LHFPL3: variants seen among roughly 807,000 people sequenced by gnomAD.
LHFPL3 encodes the protein LHFPL tetraspan subfamily member 3 protein.
LHFPL3 carries 5 observed loss-of-function variants against 19.3 expected under a neutral mutation model. The observed-to-expected ratio is 0.26, with a 90% confidence interval of 0.14 to 0.54. The LOEUF (loss-of-function observed/expected upper bound fraction) is 0.54. LHFPL3 is among the 20% of genes least tolerant of loss of function. LHFPL3 has a pLI of 0.94. For synonymous variants in LHFPL3, 133 were observed against 126.2 expected, an observed-to-expected ratio of 1.05 and a Z score of -0.36; for missense variants, 249 against 307.4, an observed-to-expected ratio of 0.81 and a Z score of 1.42.
chr7:104,661,568 G>A (rs1333450315), intron 1 of LHFPL3, among the ~76,000 whole-genome samples: 1 of 152,158 alleles, frequency 6.6e-6, no homozygotes, highest in Non-Finnish European at 1.5e-5. Flanking sequence ...TTTGAGATGA[G>A]AACAAGGACA....
intron 1 of LHFPL3, among the ~76,000 whole-genome samples, chr7:104,480,146 C>G (rs1793103006): frequency 6.6e-6 from 1 of 152,150 alleles, no homozygotes; most frequent in Non-Finnish European, 1.5e-5. Context: ...AAGACAGACC[C>G]CAGTGTGAAT....
chr7:104,671,895 T>C (rs1263066698), intron 1 of LHFPL3, among the ~76,000 whole-genome samples: 1 of 152,222 alleles, frequency 6.6e-6, no homozygotes, highest in Non-Finnish European at 1.5e-5. Flanking sequence ...CTTACTCTGC[T>C]AATATCAATG....
intron 1 of LHFPL3, among the ~76,000 whole-genome samples, chr7:104,638,279 G>A (rs1357417106): frequency 2.0e-5 from 3 of 152,196 alleles, no homozygotes; most frequent in African/African-American, 7.2e-5. Context: ...AGCTGAAGGA[G>A]CTTTTGGGCA....
chr7:104,558,748 C>G (rs1203296296), intron 1 of LHFPL3, among the ~76,000 whole-genome samples: 7 of 149,066 alleles, frequency 4.7e-5, no homozygotes, highest in African/African-American at 1.8e-4. Flanking sequence ...ACATGAAGTC[C>G]TTGCCCATGC....
intron 2 of LHFPL3, among the ~76,000 whole-genome samples, chr7:104,852,908 C>G (rs1791438848): frequency 6.6e-6 from 1 of 152,148 alleles, no homozygotes. Flanking sequence ...AGCCCACTCT[C>G]TTGAACCCTG....
At chr7:104,680,065 T>TC (rs1458080886) in intron 1 of LHFPL3, among the ~76,000 whole-genome samples, 1 of 152,208 alleles carries the variant, frequency 6.6e-6, no homozygotes, top group Admixed American at 6.5e-5. Flanking sequence ...CTGAGCTGAT[T>TC]AATCAGCTTC....
At chr7:104,604,100 C>T (rs903604997) in intron 1 of LHFPL3, among the ~76,000 whole-genome samples, 2 of 152,204 alleles carry the variant, frequency 1.3e-5, no homozygotes, top group Non-Finnish European at 2.9e-5. Flanking sequence ...TCTGCCTTGG[C>T]CCCCAGGCTT....
chr7:104,552,717 G>T (rs1029385961), intron 1 of LHFPL3, among the ~76,000 whole-genome samples: 1 of 152,172 alleles, frequency 6.6e-6, no homozygotes, highest in Non-Finnish European at 1.5e-5. Context: ...GTGTATATAT[G>T]TAAATTTTAT....
intron 2 of LHFPL3, among the ~76,000 whole-genome samples, chr7:104,859,189 C>A (rs573838703): frequency 1.3e-5 from 2 of 151,634 alleles, no homozygotes; most frequent in East Asian, 3.9e-4. Context: ...ATCACTTGAA[C>A]CCAGGAAGTG....
At chr7:104,505,557 A>C (rs1027245014) in intron 1 of LHFPL3, among the ~76,000 whole-genome samples, 2 of 152,230 alleles carry the variant, frequency 1.3e-5, no homozygotes, top group Non-Finnish European at 2.9e-5. Flanking sequence ...TTGTCTGAGC[A>C]TGGATGACTG....
At chr7:104,734,506 T>C (rs1793767252) in intron 1 of LHFPL3, among the ~76,000 whole-genome samples, 1 of 152,252 alleles carries the variant, frequency 6.6e-6, no homozygotes, top group Non-Finnish European at 1.5e-5. Flanking sequence ...TCCAGTTGAT[T>C]GAATCAGCTA....
chr7:104,541,733 G>A (rs917790286), intron 1 of LHFPL3, among the ~76,000 whole-genome samples: 2 of 152,140 alleles, frequency 1.3e-5, no homozygotes, highest in African/African-American at 2.4e-5. Flanking sequence ...CAAATTCTCA[G>A]TAAATGTTGA....
At chr7:104,465,903 A>G (rs1792774101) in intron 1 of LHFPL3, among the ~76,000 whole-genome samples, 1 of 151,922 alleles carries the variant, frequency 6.6e-6, no homozygotes, top group Admixed American at 6.6e-5. Flanking sequence ...TTTAGTTTTG[A>G]TTTCTGTTTT....
At chr7:104,493,968 A>G (rs1009586204) in intron 1 of LHFPL3, among the ~76,000 whole-genome samples, 2 of 152,204 alleles carry the variant, frequency 1.3e-5, no homozygotes, top group African/African-American at 4.8e-5. Flanking sequence ...AACATTTCAA[A>G]TTCCTCATTA....
intron 1 of LHFPL3, among the ~76,000 whole-genome samples, chr7:104,660,606 G>A (rs1207355506): frequency 6.6e-6 from 1 of 152,138 alleles, no homozygotes; most frequent in Non-Finnish European, 1.5e-5. Context: ...CTTGATGTGA[G>A]CTTTCTATTT....
intron 1 of LHFPL3, among the ~76,000 whole-genome samples, chr7:104,391,596 T>C (rs919627732): frequency 1.3e-5 from 2 of 152,210 alleles, no homozygotes; most frequent in African/African-American, 4.8e-5. Context: ...AGCCTTGTAG[T>C]ATAGTTTGAA....
intron 2 of LHFPL3, among the ~76,000 whole-genome samples, chr7:104,797,945 A>C (rs1194360338): frequency 6.9e-6 from 1 of 145,566 alleles, no homozygotes; most frequent in Non-Finnish European, 1.5e-5. Context: ...CCAAACAACA[A>C]CAACAACAAC....
intron 1 of LHFPL3, among the ~76,000 whole-genome samples, chr7:104,434,327 GCCA>G (rs1792059686): frequency 1.3e-5 from 2 of 152,210 alleles, no homozygotes; most frequent in Non-Finnish European, 2.9e-5. Context: ...ATCTTTCCAT[GCCA>G]GCAATAGATT....
At chr7:104,615,190 C>T (rs985865258) in intron 1 of LHFPL3, among the ~76,000 whole-genome samples, 8 of 152,148 alleles carry the variant, frequency 5.3e-5, no homozygotes, top group African/African-American at 1.4e-4. Flanking sequence ...TTCTCTAATA[C>T]GTGTGAAAAA....
Sources: allele counts gnomAD v4.1 joint callset (sites outside exome capture counted in the v4.1 genomes callset), GRCh38; gene constraint gnomAD v4.1.1; transcripts MANE v1.5; gene names NCBI Gene and HGNC (gene_info 2026-07-23, HGNC 2026-07-21).